The following CDH4 variants were observed in gnomAD, a reference collection of about 807,000 sequenced individuals.
CDH4 encodes cadherin 4.
CDH4 carries 33 observed loss-of-function variants against 86.0 expected under a neutral mutation model. That is an observed-to-expected ratio of 0.38 (90% confidence interval 0.29 to 0.51). CDH4 has a LOEUF of 0.51. Among genes scored for constraint, CDH4 ranks in the 20% least tolerant of loss-of-function variants. CDH4 has a pLI of 0.86. For missense variants in CDH4, 1,114 were observed against 1,307.4 expected, an observed-to-expected ratio of 0.85 and a Z score of 2.28; for synonymous variants, 555 against 549.4, an observed-to-expected ratio of 1.01 and a Z score of -0.14.
intron 2 of CDH4, among the ~76,000 whole-genome samples, chr20:61,535,013 T>C (rs1303958129): frequency 6.6e-6 from 1 of 152,230 alleles, no homozygotes; most frequent in African/African-American, 2.4e-5. Flanking sequence ...ATCAAATAGA[T>C]GAATTCCCTC....
chr20:61,799,750 G>C (rs911780372), intron 4 of CDH4, among the ~76,000 whole-genome samples: 1 of 152,184 alleles, frequency 6.6e-6, no homozygotes, highest in Non-Finnish European at 1.5e-5. Flanking sequence ...CCCCGCTCCT[G>C]GGTGGGCAGG....
intron 4 of CDH4, among the ~76,000 whole-genome samples, chr20:61,777,075 C>T (rs1257409694): frequency 1.3e-5 from 2 of 152,216 alleles, no homozygotes; most frequent in African/African-American, 4.8e-5. Flanking sequence ...ATTCTTTACC[C>T]TCTGCCCTGC....
intron 8 of CDH4, among the ~76,000 whole-genome samples, chr20:61,897,902 C>T (rs1479057014): frequency 6.6e-6 from 1 of 152,232 alleles, no homozygotes; most frequent in African/African-American, 2.4e-5. Context: ...CCCAGTCTAA[C>T]ACAGTCCGGG....
chr20:61,423,996 C>A (rs1396821940), intron 2 of CDH4, among the ~76,000 whole-genome samples: 1 of 152,150 alleles, frequency 6.6e-6, no homozygotes, highest in Non-Finnish European at 1.5e-5. Context: ...CATGTGCACA[C>A]AGCACACATA....
At chr20:61,304,599 A>G (rs1032528291) in intron 2 of CDH4, among the ~76,000 whole-genome samples, 1 of 152,076 alleles carries the variant, frequency 6.6e-6, no homozygotes, top group Non-Finnish European at 1.5e-5. Flanking sequence ...GCTGTGCCAT[A>G]ACAATATTAA....
intron 5 of CDH4, among the ~76,000 whole-genome samples, chr20:61,849,707 C>G (rs922055602): frequency 9.2e-5 from 14 of 152,190 alleles, no homozygotes; most frequent in Non-Finnish European, 1.2e-4. Flanking sequence ...ACCTGCATGC[C>G]TCGGCACGTG....
chr20:61,724,646 T>C (rs888064534), intron 2 of CDH4, among the ~76,000 whole-genome samples: 3 of 152,176 alleles, frequency 2.0e-5, no homozygotes, highest in Non-Finnish European at 4.4e-5. Context: ...GGCTGTCCAC[T>C]TGGGGGCAGC....
chr20:61,383,813 ATATATGCG>A lies in CDH4; in HGVS notation c.169+128882_169+128889del, dbSNP rs2084935293. 3.4e-5 allele frequency among the ~76,000 whole-genome samples: 3 copies of A among 87,408 alleles called. 1 individual carries two copies. Among genetic ancestry groups the A allele is most frequent in the African/African-American group, 1.6e-4 (3 of 19,018 alleles). 57.3% of individuals were successfully genotyped at this position (87,408 alleles called of 152,430 possible). On this transcript the variant is annotated intron_variant, in intron 2 of 15. Transcript: ENST00000614565. ...GATATATATGCATATATATGAAGAT[ATATATGCG>A]TATATATGAAGATATATATGCGTAT...
intron 6 of CDH4, among the ~76,000 whole-genome samples, chr20:61,856,439 C>G (rs1389892876): frequency 6.8e-6 from 1 of 146,442 alleles, no homozygotes; most frequent in African/African-American, 2.6e-5. Context: ...CCCCAACCAC[C>G]CTGGGATCCA....
intron 4 of CDH4, among the ~76,000 whole-genome samples, chr20:61,839,927 C>T (rs543681562): frequency 4.0e-5 from 6 of 149,986 alleles, no homozygotes; most frequent in Middle Eastern, 3.5e-3. Flanking sequence ...GTCATGTGTA[C>T]ATGTCTGTAT....
intron 2 of CDH4, among the ~76,000 whole-genome samples, chr20:61,298,580 CTG>C (rs972494665): frequency 2.0e-5 from 3 of 151,824 alleles, no homozygotes; most frequent in South Asian, 2.1e-4. Flanking sequence ...CCCTGGGACT[CTG>C]TGTTTTTCTG....
intron 2 of CDH4, among the ~76,000 whole-genome samples, chr20:61,579,590 A>T (rs147229252): frequency 6.1e-4 from 93 of 152,182 alleles, no homozygotes; most frequent in African/African-American, 2.2e-3. Flanking sequence ...CCTGGCCCAG[A>T]TGGAGATCTT....
intron 15 of CDH4, among the ~76,000 whole-genome samples, chr20:61,934,559 G>A (rs1189800240): frequency 1.3e-5 from 2 of 152,218 alleles, no homozygotes; most frequent in African/African-American, 4.8e-5. Flanking sequence ...AGAATCAGCG[G>A]GGCGACGGCG....
At chr20:61,604,960 G>A (rs1273718014) in intron 2 of CDH4, among the ~76,000 whole-genome samples, 2 of 152,160 alleles carry the variant, frequency 1.3e-5, no homozygotes, top group Non-Finnish European at 2.9e-5. Context: ...CTGAATAGGG[G>A]CTGCGTCCAG....
chr20:61,875,970 C>G (rs762887212), intron 7 of CDH4, among the ~76,000 whole-genome samples: 1 of 152,182 alleles, frequency 6.6e-6, no homozygotes, highest in Non-Finnish European at 1.5e-5. Context: ...GTGAGCAGCT[C>G]GTTTCCACAG....
chr20:61,254,759 G>A, intron 1 of CDH4, 67 bp from the exon 2 acceptor site: 1 of 1,043,870 alleles, frequency 9.6e-7, no homozygotes, highest in Non-Finnish European at 1.5e-6. Flanking sequence ...GCAGGCCCTG[G>A]ATGAATGTTG....
At chr20:61,599,061 A>AC (rs1338545512) in intron 2 of CDH4, among the ~76,000 whole-genome samples, 3 of 152,090 alleles carry the variant, frequency 2.0e-5, no homozygotes, top group Non-Finnish European at 4.4e-5. Context: ...TGACTTCTTG[A>AC]CACCACGTCC....
intron 13 of CDH4, among the ~76,000 whole-genome samples, chr20:61,931,032 C>G (rs2055102441): frequency 6.6e-6 from 1 of 152,256 alleles, no homozygotes; most frequent in Non-Finnish European, 1.5e-5. Context: ...AACAGCAGAT[C>G]CGCCTGCTGC....
Position 61,252,664 on chromosome 20 carries a change from C to A in CDH4, c.57+94C>A. 1.5e-6 allele frequency: 1 copy of A among 672,904 alleles called. No individual in the cohort carries two copies. Among genetic ancestry groups the A allele is most frequent in the Non-Finnish European group, 2.0e-6 (1 of 494,802 alleles). The allele number at this position is 672,904 out of a possible 1,614,324, so 41.7% of individuals were successfully genotyped here. On this transcript the variant is annotated intron_variant, in intron 1 of 15. Coordinates refer to ENST00000614565, the MANE Select transcript of CDH4 (RefSeq NM_001794.5). This position sits in a 1 kb window ranked among gnomAD's most constrained non-coding sequence, Gnocchi z 4.4. ...CGGGGCGCTCACACACCCGGCGGGGCTCTCCCGGGCTCCCCCGCCGCGCTC... is the reference window on the plus strand; with the variant it reads ...CGGGGCGCTCACACACCCGGCGGGGATCTCCCGGGCTCCCCCGCCGCGCTC...
Sources: gnomAD v4.1 joint callset for allele counts (sites outside exome capture counted in the v4.1 genomes callset) on GRCh38, gnomAD v4.1.1 for gene constraint, Gnocchi (gnomAD v3.1) non-coding constraint, MANE v1.5 for transcripts, NCBI Gene and HGNC (gene_info 2026-07-23, HGNC 2026-07-21) for gene names.